CLYBL: variants seen among roughly 807,000 people sequenced by gnomAD.
CLYBL encodes the protein citramalyl-CoA lyase, mitochondrial.
CLYBL carries 31 observed loss-of-function variants against 38.9 expected under a neutral mutation model. The observed-to-expected ratio is 0.80, with a 90% CI of 0.60 to 1.08. CLYBL has a LOEUF of 1.08. Among genes scored for constraint, CLYBL ranks in the 50% least tolerant of loss-of-function variants. The probability of loss-of-function intolerance (pLI) is 0.00; values close to 1 mark genes in which losing one functional copy is unlikely to be tolerated. For missense variants in CLYBL, 434 were observed against 411.6 expected (o/e 1.05, Z -0.47); for synonymous variants, 171 against 158.6 (o/e 1.08, Z -0.59).
At chr13:99,734,288 G>C (rs940017276) in intron 1 of CLYBL, among the ~76,000 whole-genome samples, 55 of 151,996 alleles carry the variant, frequency 3.6e-4, no homozygotes, top group African/African-American at 1.2e-3. Context: ...ATTTTAAAGA[G>C]AGGATGAAAT....
chr13:99,857,314 CA>C (rs562257980), intron 2 of CLYBL, among the ~76,000 whole-genome samples: 1 of 150,870 alleles, frequency 6.6e-6, no homozygotes, highest in African/African-American at 2.4e-5. Flanking sequence ...GACTGTGTCT[CA>C]AAAAAAAGAG....
At chr13:99,646,278 C>A (rs1406179669) in intron 1 of CLYBL, among the ~76,000 whole-genome samples, 1 of 152,032 alleles carries the variant, frequency 6.6e-6, no homozygotes, top group Non-Finnish European at 1.5e-5. Context: ...ACTCCTTTAG[C>A]CCCTTTTAAT....
chr13:99,711,270 G>A (rs368841705), intron 1 of CLYBL, among the ~76,000 whole-genome samples: 1 of 152,150 alleles, frequency 6.6e-6, no homozygotes, highest in East Asian at 1.9e-4. Flanking sequence ...CACACTTCTG[G>A]AGACTTGGAG....
At chr13:99,737,129 G>A (rs2048680762) in intron 1 of CLYBL, among the ~76,000 whole-genome samples, 1 of 144,738 alleles carries the variant, frequency 6.9e-6, no homozygotes, top group South Asian at 2.2e-4. Flanking sequence ...GAATATGGGG[G>A]GCATCAGAGA....
In CLYBL at chr13:99,858,982, T is replaced by C. The variant is rs2051529964; in HGVS notation, c.371T>C (p.Leu124Ser). 3 of 1,614,000 alleles carry C rather than the reference T, an allele frequency of 1.9e-6. No homozygotes were observed. In the South Asian group the frequency reaches 3.3e-5, roughly 18 times the overall value. ...GCGGAAGAAGACCTAGAGACCCTTT[T>C]GCAATCCCGGGTCCTTCCTTCCAGC... ...GLAEEDLETL[L>S]QSRVLPSSLM... The change falls in exon 3 of 9, where the codon TTG becomes TCG. Residue 124 changes from leucine (L) to serine (S), a missense_variant. Coordinates refer to ENST00000339105, the MANE Select transcript of CLYBL (RefSeq NM_206808.5).
intron 7 of CLYBL, among the ~76,000 whole-genome samples, chr13:99,889,912 C>T (rs554491422): frequency 6.6e-6 from 1 of 152,266 alleles, no homozygotes; most frequent in East Asian, 1.9e-4. Flanking sequence ...GGACCATCAT[C>T]AATGTGCATT....
intron 1 of CLYBL, among the ~76,000 whole-genome samples, chr13:99,680,629 TTA>T (rs2047721257): frequency 6.6e-6 from 1 of 152,212 alleles, no homozygotes; most frequent in Non-Finnish European, 1.5e-5. Flanking sequence ...AGACCTTGAG[TTA>T]TCCAATGTGC....
chr13:99,832,559 T>C (rs920182342), intron 2 of CLYBL, among the ~76,000 whole-genome samples: 12 of 152,150 alleles, frequency 7.9e-5, no homozygotes, highest in Admixed American at 2.0e-4. Flanking sequence ...CCAGCATATT[T>C]AAATTTATGT....
intron 1 of CLYBL, among the ~76,000 whole-genome samples, chr13:99,737,039 T>G (rs2048679631): frequency 6.6e-6 from 1 of 152,210 alleles, no homozygotes; most frequent in Admixed American, 6.5e-5. Flanking sequence ...TAGATAATCA[T>G]AACATTATTT....
chr13:99,706,579 C>T (rs988508056), intron 1 of CLYBL, among the ~76,000 whole-genome samples: 5 of 152,016 alleles, frequency 3.3e-5, no homozygotes, highest in African/African-American at 1.2e-4. Flanking sequence ...GTAGTAAGTG[C>T]ACCTTTCTTG....
intron 1 of CLYBL, among the ~76,000 whole-genome samples, chr13:99,708,949 CG>C (rs1237292115): frequency 6.6e-6 from 1 of 151,882 alleles, no homozygotes; most frequent in African/African-American, 2.4e-5. Context: ...AAAAATTAGC[CG>C]GGCGTGGTGG....
intron 7 of CLYBL, among the ~76,000 whole-genome samples, chr13:99,872,943 CTTTT>C (rs5806140): frequency 1.4e-5 from 2 of 147,514 alleles, no homozygotes; most frequent in African/African-American, 2.5e-5. Flanking sequence ...CAATTCTGGA[CTTTT>C]TTTTTTTTTA....
chr13:99,617,634 C>T (rs35342610), intron 1 of CLYBL, among the ~76,000 whole-genome samples: 2 of 125,774 alleles, frequency 1.6e-5, no homozygotes, highest in African/African-American at 6.1e-5. Context: ...CCCTCACGAA[C>T]GCCTTTCAGA....
intron 1 of CLYBL, among the ~76,000 whole-genome samples, chr13:99,692,327 A>G (rs1385337143): frequency 6.7e-6 from 1 of 149,278 alleles, no homozygotes; most frequent in African/African-American, 2.5e-5. Context: ...AGTCTTGCTC[A>G]GTCACCCAGG....
chr13:99,699,131 A>C (rs2048023060), intron 1 of CLYBL, among the ~76,000 whole-genome samples: 1 of 152,166 alleles, frequency 6.6e-6, no homozygotes, highest in Admixed American at 6.6e-5. Flanking sequence ...CATGCCTGTA[A>C]TCCCAGCACC....
chr13:99,849,152 G>GAA lies in CLYBL; in HGVS notation c.250-9700_250-9699dup, dbSNP rs11407509. 1.5e-3 allele frequency among the ~76,000 whole-genome samples: 226 copies of GAA among 148,836 alleles called. No homozygotes were observed. Among genetic ancestry groups the GAA allele is most frequent in the Middle Eastern group, 6.9e-3 (2 of 290 alleles). On this transcript the variant is annotated intron_variant, in intron 2 of 8. Transcript: ENST00000339105. The surrounding 1 kb of genome is among the most constrained non-coding windows in gnomAD (Gnocchi z 4.9). ...GACTCCATCTCAAAAAAAGAAAAAA[G>GAA]AAAAAAAAAACACTATTGAGAAAGA... is the stretch of plus-strand genomic sequence containing the variant.
At chr13:99,633,164 T>G (rs1257670552) in intron 1 of CLYBL, among the ~76,000 whole-genome samples, 1 of 121,708 alleles carries the variant, frequency 8.2e-6, no homozygotes, top group Non-Finnish European at 1.6e-5. Context: ...TGAGCCGAGA[T>G]CATACCAGTG....
chr13:99,782,697 C>T (rs1220579329), intron 2 of CLYBL, among the ~76,000 whole-genome samples: 1 of 151,624 alleles, frequency 6.6e-6, no homozygotes, highest in East Asian at 1.9e-4. Context: ...TCTTTTTCTC[C>T]CTCCCTTCCT....
intron 2 of CLYBL, among the ~76,000 whole-genome samples, chr13:99,813,143 A>G (rs1049389810): frequency 6.7e-6 from 1 of 149,506 alleles, no homozygotes; most frequent in African/African-American, 2.5e-5. Context: ...TTGTCTCAGG[A>G]AAAAAAAATG....
Sources: gnomAD v4.1 joint callset for allele counts (sites outside exome capture counted in the v4.1 genomes callset) on GRCh38, gnomAD v4.1.1 for gene constraint, Gnocchi (gnomAD v3.1) non-coding constraint, MANE v1.5 for transcripts, NCBI Gene and HGNC (gene_info 2026-07-23, HGNC 2026-07-21) for gene names.